Variants in USP34 observed in about 807,000 individuals in gnomAD.
USP34 encodes ubiquitin carboxyl-terminal hydrolase 34.
Under a neutral mutation model 460.3 loss-of-function variants are expected in USP34, and 70 were observed. That is an observed-to-expected ratio of 0.15 (90% CI 0.13 to 0.19). The LOEUF is 0.19. Among genes scored for constraint, USP34 ranks in the 10% least tolerant of loss-of-function variants. The probability of loss-of-function intolerance (pLI) is 1.00; values close to 1 mark genes in which losing one functional copy is unlikely to be tolerated. For synonymous variants in USP34, 1,647 were observed against 1,405.3 expected, an observed-to-expected ratio of 1.17 and a Z score of -3.85; for missense variants, 3,985 against 4,236.2, an observed-to-expected ratio of 0.94 and a Z score of 1.65.
intron 32 of USP34, 27 bp downstream of exon 32, chr2:61,294,922 T>C (rs781143144): frequency 6.4e-7 from 1 of 1,571,532 alleles, no homozygotes; most frequent in South Asian, 1.2e-5. Flanking sequence ...TTTTTATCAA[T>C]ACATTGAAAA....
intron 75 of USP34, among the ~76,000 whole-genome samples, chr2:61,194,398 T>C (rs1483646916): frequency 6.6e-6 from 1 of 152,194 alleles, no homozygotes; most frequent in Non-Finnish European, 1.5e-5. Flanking sequence ...TGTTCCTGTA[T>C]CCTAATTACT....
At chr2:61,320,934 C>T (rs1429576958) in intron 21 of USP34, among the ~76,000 whole-genome samples, 6 of 151,838 alleles carry the variant, frequency 4.0e-5, no homozygotes, top group African/African-American at 9.7e-5. Flanking sequence ...CGCTGGAACC[C>T]GGGAGGTGGA....
chr2:61,288,329 G>C (rs552819519), intron 34 of USP34, among the ~76,000 whole-genome samples: 62 of 152,246 alleles, frequency 4.1e-4, no homozygotes, highest in African/African-American at 1.4e-3. Context: ...TTAAAGCCTT[G>C]TAACACATAC....
intron 2 of USP34, among the ~76,000 whole-genome samples, chr2:61,417,945 T>C (rs1476275219): frequency 2.0e-5 from 3 of 151,518 alleles, no homozygotes; most frequent in Non-Finnish European, 4.4e-5. Flanking sequence ...TTCACCGTGT[T>C]GACCAGGCTG....
intron 62 of USP34, chr2:61,223,569 C>A: frequency 3.2e-6 from 1 of 311,912 alleles, no homozygotes. Flanking sequence ...TCTTATTTTA[C>A]TTACTTTTTT....
intron 43 of USP34, among the ~76,000 whole-genome samples, chr2:61,264,862 T>A (rs1326928541): frequency 6.6e-6 from 1 of 152,040 alleles, no homozygotes; most frequent in Non-Finnish European, 1.5e-5. Flanking sequence ...CATCTCTATT[T>A]ATTATTTTAA....
At chr2:61,438,049 C>A (rs2593626) in intron 1 of USP34, among the ~76,000 whole-genome samples, 96,636 of 150,844 alleles carry the variant, frequency 0.64, 31,049 homozygotes, top group Middle Eastern at 0.7. Flanking sequence ...GAAAAACAAA[C>A]AAAAAAGAAA....
intron 65 of USP34, 167 bp from the exon 66 acceptor site, chr2:61,221,773 T>A: frequency 1.9e-6 from 1 of 536,718 alleles, no homozygotes; most frequent in Non-Finnish European, 3.1e-6. Flanking sequence ...AGCAGCAGGA[T>A]CAGCGAGGGG....
In USP34 at chr2:61,278,559, T is replaced by C. The variant is rs996055480; in HGVS notation, c.5257-116A>G. On this transcript the variant is annotated intron_variant, in intron 39 of 79. Transcript: ENST00000398571. ...AATAATTTAGTTCTCCCAAATTCAA[T>C]AAGTTATAAACGTAATACACCTACT... 7.5e-6 allele frequency: 6 copies of C among 800,916 alleles called. No individual in the cohort carries two copies. In the African/African-American group the frequency reaches 1.1e-4, roughly 14 times the overall value. The allele number at this position is 800,916 out of a possible 1,614,324, so 49.6% of individuals were successfully genotyped here. A position where few individuals can be genotyped will look rare whatever the true frequency, so the allele number is the denominator to read the frequency against.
At position 61,204,501 on chromosome 2, in the gene USP34, T is replaced by C. The variant is rs746466625; in HGVS notation, c.9255A>G (p.Ile3085Met). 2 of 1,613,660 alleles carry C rather than the reference T, an allele frequency of 1.2e-6. No individual in the cohort carries two copies. Among genetic ancestry groups the C allele is most frequent in the East Asian group, 4.5e-5 (2 of 44,868 alleles). Residue 3085 changes from isoleucine to methionine, a missense_variant, in exon 73 of 80, where the codon ATA becomes ATG. Physicochemically the swap from Ile to Met is conservative, Grantham distance 10. Around this residue, in one of 14 missense-constraint regions of USP34, gnomAD observed 275 missense variants for 292.7 expected, o/e 0.94. Transcript: ENST00000398571. ...HNHCTYHHSN[I>M]PMSLGPYFPC... ...CTGTGCTAGATAAATACGTACTTGG[T>C]ATATTACTGTGATGGTAAGTACAAT...
chr2:61,377,799 T>C (rs554845580), intron 8 of USP34, among the ~76,000 whole-genome samples: 7 of 152,348 alleles, frequency 4.6e-5, no homozygotes, highest in African/African-American at 1.7e-4. Context: ...ATCAGTACCA[T>C]ATTTTTCAAG....
intron 16 of USP34, among the ~76,000 whole-genome samples, chr2:61,342,584 T>C (rs1691639806): frequency 6.6e-6 from 1 of 152,054 alleles, no homozygotes; most frequent in South Asian, 2.1e-4. Flanking sequence ...AGTGCTGGGA[T>C]TATAGGTGTG....
In USP34 at chr2:61,348,835, C is replaced by T. The variant is rs754506984; in HGVS notation, c.1595G>A (p.Ser532Asn). 18 of 1,613,868 alleles carry T rather than the reference C, an allele frequency of 1.1e-5. No individual in the cohort carries two copies. The highest frequency in any genetic ancestry group is 1.4e-5 in the Non-Finnish European group (17 of 1,179,872). ...ATCCATTTCAATGTCACTACCTCCA[C>T]TTTGATGTGTATCGCTATTATCACT... ...QSSDNSDTHQ[S>N]GGSDIEMDEQ... Residue 532 changes from serine to asparagine, a missense_variant, in exon 14 of 80, where the codon AGT becomes AAT. Coordinates refer to ENST00000398571, the MANE Select transcript of USP34 (RefSeq NM_014709.4).
intron 48 of USP34, among the ~76,000 whole-genome samples, chr2:61,251,693 A>G (rs1348844996): frequency 2.0e-5 from 3 of 152,170 alleles, no homozygotes; most frequent in African/African-American, 7.2e-5. Context: ...AATCAGCTTT[A>G]TTCTAAGCAA....
intron 78 of USP34, 176 bp from the exon 79 acceptor site, chr2:61,189,245 GCATTT>G (rs764728160): frequency 1.3e-4 from 78 of 597,588 alleles, no homozygotes; most frequent in Non-Finnish European, 1.9e-4. Context: ...AGATACTACA[GCATTT>G]CATTAGTTGT....
chr2:61,331,209 T>C (rs1691251352), intron 20 of USP34, 67 bp downstream of exon 20: 12 of 1,367,382 alleles, frequency 8.8e-6, no homozygotes, highest in African/African-American at 1.5e-5. Flanking sequence ...GTTAAAACAC[T>C]GGAAAATCAT....
intron 10 of USP34, among the ~76,000 whole-genome samples, chr2:61,366,837 C>G (rs1354472514): frequency 6.6e-6 from 1 of 152,116 alleles, no homozygotes; most frequent in African/African-American, 2.4e-5. Context: ...CGCTTGAGCT[C>G]AGGAGTTCGA....
intron 56 of USP34, 57 bp downstream of exon 56, chr2:61,235,969 A>T (rs1420021557): frequency 1.3e-6 from 2 of 1,596,312 alleles, no homozygotes; most frequent in East Asian, 2.2e-5. Flanking sequence ...AACAAAAACC[A>T]AAAGATATCT....
At chr2:61,370,210 A>G in intron 10 of USP34, 111 bp downstream of exon 10, 1 of 1,071,430 alleles carries the variant, frequency 9.3e-7, no homozygotes. Flanking sequence ...CAGCTTGTCC[A>G]TGTCTTGGTC....
Sources: allele counts gnomAD v4.1 joint callset (sites outside exome capture counted in the v4.1 genomes callset), GRCh38; gene constraint gnomAD v4.1.1; regional missense constraint gnomAD v4.1.1; transcripts MANE v1.5; gene names NCBI Gene and HGNC (gene_info 2026-07-23, HGNC 2026-07-21).